The following SELENOT variants were observed in gnomAD, a reference collection of about 807,000 sequenced individuals.
The protein encoded by SELENOT is selenoprotein T.
Under a neutral mutation model 24.3 loss-of-function variants are expected in SELENOT, and 9 were observed. The ratio of observed to expected loss-of-function variants is 0.37; its 90% CI spans 0.22 to 0.65. The LOEUF is 0.65. Ranked by LOEUF, SELENOT falls within the 30% of genes least tolerant of loss-of-function variation. The pLI is 0.60. For missense variants in SELENOT, 166 were observed against 247.6 expected (o/e 0.67, Z 2.21); for synonymous variants, 81 against 86.0 (o/e 0.94, Z 0.32).
intron 1 of SELENOT, chr3:150,611,325 ATATGT>A (rs146943938): frequency 0.36 from 438,883 of 1,225,956 alleles, 82,634 homozygotes; most frequent in East Asian, 0.56. Flanking sequence ...ATTAGATGAA[ATATGT>A]TAAGGTGTCT....
intron 1 of SELENOT, among the ~76,000 whole-genome samples, chr3:150,610,889 A>G (rs1248394391): frequency 1.3e-5 from 2 of 152,060 alleles, no homozygotes; most frequent in Non-Finnish European, 2.9e-5. Context: ...ACAGGTGTGG[A>G]TACTGTGACA....
intron 1 of SELENOT, among the ~76,000 whole-genome samples, chr3:150,608,056 A>T (rs1405248956): frequency 6.6e-6 from 1 of 152,206 alleles, no homozygotes; most frequent in Non-Finnish European, 1.5e-5. Context: ...GATGAATTGT[A>T]TGTTTGTGGG....
chr3:150,611,280 C>T, intron 1 of SELENOT: 3 of 1,285,330 alleles, frequency 2.3e-6, no homozygotes, highest in East Asian at 2.3e-5. Flanking sequence ...CACTATCAAC[C>T]TTGAGATCTG....
At chr3:150,605,811 T>C (rs1183373731) in intron 1 of SELENOT, among the ~76,000 whole-genome samples, 1 of 152,004 alleles carries the variant, frequency 6.6e-6, no homozygotes, top group African/African-American at 2.4e-5. Context: ...TTTGCAAGTT[T>C]GTTTGAGAAA....
At chr3:150,618,965 A>C (rs956807499) in intron 1 of SELENOT, 1 of 152,160 alleles carries the variant, frequency 6.6e-6, no homozygotes, top group African/African-American at 2.4e-5. Context: ...TACTGTTTCC[A>C]AAATATTTTA....
intron 1 of SELENOT, among the ~76,000 whole-genome samples, chr3:150,620,188 A>G (rs1020843852): frequency 6.6e-6 from 1 of 152,192 alleles, no homozygotes; most frequent in African/African-American, 2.4e-5. Context: ...GCGCATATGC[A>G]CATCTCTAGT....
chr3:150,612,545 A>G (rs1447813266), intron 1 of SELENOT, among the ~76,000 whole-genome samples: 1 of 152,248 alleles, frequency 6.6e-6, no homozygotes. Flanking sequence ...GACTAAAACA[A>G]GTTAACCTAT....
Position 150,622,503 on chromosome 3 carries a change from A to G in SELENOT, c.248+8A>G. The G allele has an allele frequency of 7.6e-7, 1 of 1,318,730 alleles. No homozygotes were observed. Among genetic ancestry groups the G allele is most frequent in the Non-Finnish European group, 1.0e-6 (1 of 975,834 alleles). 81.7% of individuals were successfully genotyped at this position (1,318,730 alleles called of 1,614,324 possible). A position where few individuals can be genotyped will look rare whatever the true frequency, so the allele number is the denominator to read the frequency against. Reference sequence around the variant, plus strand: ...CCCTCAACCAATATATAGGTAAGAAATTTTAATAACTTAAAAGGAAAACAA... The same window carrying G: ...CCCTCAACCAATATATAGGTAAGAAGTTTTAATAACTTAAAAGGAAAACAA... On this transcript the variant is annotated splice_region_variant and intron_variant, in intron 2 of 5. Coordinates refer to ENST00000471696, the MANE Select transcript of SELENOT (RefSeq NM_016275.5).
Position 150,628,345 on chromosome 3 carries a change from C to A in SELENOT, c.*716C>A, listed in dbSNP as rs1311773903. 1 of 152,578 alleles carries A rather than the reference C, an allele frequency of 6.6e-6. No homozygotes were observed. The highest frequency in any genetic ancestry group is 1.5e-5 in the Non-Finnish European group (1 of 68,012). 9.5% of individuals were successfully genotyped at this position (152,578 alleles called of 1,614,324 possible). On this transcript the variant is annotated 3_prime_UTR_variant, in exon 6 of 6. Transcript: ENST00000471696. ...TTGATTAATTAACTGGGCCTTTATA[C>A]TTAACTAAATAAAAAACTAAGCAGA...
intron 1 of SELENOT, among the ~76,000 whole-genome samples, chr3:150,620,786 G>A (rs1726325269): frequency 6.6e-6 from 1 of 152,076 alleles, no homozygotes; most frequent in East Asian, 1.9e-4. Flanking sequence ...GGCATTTCTT[G>A]GTTTTAAGGT....
chr3:150,611,636 G>A, intron 1 of SELENOT: 1 of 1,572,508 alleles, frequency 6.4e-7, no homozygotes. Flanking sequence ...TCACCTTCTG[G>A]GATATGCTCT....
chr3:150,626,121 C>T (rs1360692680), intron 4 of SELENOT, among the ~76,000 whole-genome samples: 3 of 152,102 alleles, frequency 2.0e-5, no homozygotes, highest in African/African-American at 7.2e-5. Context: ...CGCCCGCCTC[C>T]ACCTCCGCCT....
chr3:150,611,638 A>G, intron 1 of SELENOT: 1 of 1,575,818 alleles, frequency 6.3e-7, no homozygotes, highest in South Asian at 1.1e-5. Flanking sequence ...ACCTTCTGGG[A>G]TATGCTCTTC....
intron 2 of SELENOT, 35 bp from the exon 3 acceptor site, chr3:150,623,008 G>A: frequency 6.8e-7 from 1 of 1,481,312 alleles, no homozygotes; most frequent in Non-Finnish European, 9.0e-7. Flanking sequence ...TGGAAATTGT[G>A]GCTTCTGATG....
At chr3:150,603,703 G>GT (rs970534302) in intron 1 of SELENOT, 107 of 552,442 alleles carry the variant, frequency 1.9e-4, no homozygotes, top group African/African-American at 1.9e-3. Context: ...CTGCTCACTT[G>GT]TTTTTTGCCT....
intron 1 of SELENOT, among the ~76,000 whole-genome samples, chr3:150,617,722 T>C (rs1160697694): frequency 1.3e-5 from 2 of 152,118 alleles, no homozygotes; most frequent in Non-Finnish European, 2.9e-5. Flanking sequence ...TCATATAATA[T>C]AGTTCCTTAA....
At chr3:150,626,160 C>T (rs1726441094) in intron 4 of SELENOT, among the ~76,000 whole-genome samples, 2 of 152,174 alleles carry the variant, frequency 1.3e-5, no homozygotes, top group South Asian at 2.1e-4. Flanking sequence ...CAGGCGTGAG[C>T]CACCTCGCCC....
chr3:150,605,947 T>C (rs1725952547), intron 1 of SELENOT, among the ~76,000 whole-genome samples: 1 of 152,216 alleles, frequency 6.6e-6, no homozygotes, highest in African/African-American at 2.4e-5. Context: ...CTATTTTACC[T>C]TCATTTCCAC....
intron 4 of SELENOT, among the ~76,000 whole-genome samples, chr3:150,626,528 TC>T (rs1358050846): frequency 6.6e-6 from 1 of 152,194 alleles, no homozygotes; most frequent in Non-Finnish European, 1.5e-5. Context: ...TCTAATCCTT[TC>T]CACCTTCCCA....
Sources: gnomAD v4.1 joint callset for allele counts (sites outside exome capture counted in the v4.1 genomes callset) on GRCh38, gnomAD v4.1.1 for gene constraint, MANE v1.5 for transcripts, NCBI Gene and HGNC (gene_info 2026-07-23, HGNC 2026-07-21) for gene names.